CTNND2: variants seen among roughly 807,000 people sequenced by gnomAD.
CTNND2 encodes the protein catenin delta-2.
In CTNND2, 22 loss-of-function variants were observed where a neutral mutation model predicts 144.4. The observed-to-expected ratio is 0.15, with a 90% CI of 0.11 to 0.22. CTNND2 has a LOEUF of 0.22. Among genes scored for constraint, CTNND2 ranks in the 10% least tolerant of loss-of-function variants. The pLI is 1.00. For synonymous variants in CTNND2, 751 were observed against 695.6 expected, an observed-to-expected ratio of 1.08 and a Z score of -1.25; for missense variants, 1,353 against 1,618.8, an observed-to-expected ratio of 0.84 and a Z score of 2.82.
intron 14 of CTNND2, among the ~76,000 whole-genome samples, chr5:11,107,980 ACCCACAGAGTCCTTTGC>A (rs894866225): frequency 6.6e-6 from 1 of 152,156 alleles, no homozygotes; most frequent in African/African-American, 2.4e-5. Flanking sequence ...CCGAAATAAG[ACCCACAGAGTCCTTTGC>A]CCCAGAAAAT....
chr5:11,383,695 T>C (rs777344791), intron 7 of CTNND2, among the ~76,000 whole-genome samples: 1 of 152,242 alleles, frequency 6.6e-6, no homozygotes, highest in Non-Finnish European at 1.5e-5. Context: ...AGTCATCTAT[T>C]TGTGTCAAGA....
intron 15 of CTNND2, among the ~76,000 whole-genome samples, chr5:11,092,971 T>C (rs1429183394): frequency 6.6e-6 from 1 of 152,226 alleles, no homozygotes; most frequent in East Asian, 1.9e-4. Context: ...AAGTCTCTAA[T>C]TTCCCAGTTC....
At position 11,569,754 on chromosome 5, in the gene CTNND2, G is replaced by T. The variant is rs200984354; in HGVS notation, c.175-4698C>A. Reference sequence around the variant, plus strand: ...ATATTGAGGCTTCTTCATTTCTATGGTCTAAATGCCTGTGTCTCCATCCCC... The same window carrying T: ...ATATTGAGGCTTCTTCATTTCTATGTTCTAAATGCCTGTGTCTCCATCCCC... On this transcript the variant is annotated intron_variant, in intron 2 of 21. Transcript: ENST00000304623. Among the ~76,000 whole-genome samples the T allele has an allele frequency of 7.9e-5, 12 of 152,172 alleles. No homozygotes were observed. In the East Asian group the frequency reaches 1.9e-3, roughly 25 times the overall value.
At chr5:11,542,634 AATT>A (rs1461665865) in intron 3 of CTNND2, among the ~76,000 whole-genome samples, 3 of 152,222 alleles carry the variant, frequency 2.0e-5, no homozygotes, top group Non-Finnish European at 2.9e-5. Context: ...AATCCAGTCA[AATT>A]ATTATAATTA....
chr5:11,609,813 T>G (rs567409811), intron 2 of CTNND2, among the ~76,000 whole-genome samples: 1 of 152,172 alleles, frequency 6.6e-6, no homozygotes, highest in Non-Finnish European at 1.5e-5. Flanking sequence ...GGGAGCCTTC[T>G]GCATCTGCAG....
At chr5:11,884,268 T>C (rs1168476660) in intron 1 of CTNND2, among the ~76,000 whole-genome samples, 4 of 152,180 alleles carry the variant, frequency 2.6e-5, no homozygotes, top group Non-Finnish European at 5.9e-5. Context: ...ATCTCCTCAA[T>C]GGTATTGCCT....
intron 13 of CTNND2, among the ~76,000 whole-genome samples, chr5:11,112,962 G>T (rs1753155797): frequency 6.6e-6 from 1 of 152,134 alleles, no homozygotes; most frequent in Admixed American, 6.5e-5. Context: ...CTAACAAGGT[G>T]AAACCCCGTC....
At position 10,992,020 on chromosome 5, in the gene CTNND2, T is replaced by A. The variant is rs146898867; in HGVS notation, c.3211+531A>T. ...GAAATCTCGGCCTCCCGGGTTCAAG[T>A]GATTCTCCTGCCTCAGCCTCCCGAG... On this transcript the variant is annotated intron_variant, in intron 19 of 21. Coordinates refer to ENST00000304623, the MANE Select transcript of CTNND2 (RefSeq NM_001332.4). Among the ~76,000 whole-genome samples, 362 of 152,314 alleles carry A rather than the reference T, an allele frequency of 2.4e-3. 1 individual carries two copies. Among genetic ancestry groups the A allele is most frequent in the African/African-American group, 8.2e-3 (341 of 41,558 alleles).
chr5:10,997,322 G>A (rs1460495246), intron 18 of CTNND2, among the ~76,000 whole-genome samples: 3 of 152,040 alleles, frequency 2.0e-5, no homozygotes, highest in Non-Finnish European at 2.9e-5. Flanking sequence ...GGCCAGGAGC[G>A]GTGGCTCACG....
intron 15 of CTNND2, among the ~76,000 whole-genome samples, chr5:11,094,306 T>C (rs1751100246): frequency 6.6e-6 from 1 of 152,142 alleles, no homozygotes; most frequent in Admixed American, 6.5e-5. Flanking sequence ...GAGGGCCAAC[T>C]TTATGACTCG....
At chr5:11,369,249 T>A (rs1757245645) in intron 7 of CTNND2, among the ~76,000 whole-genome samples, 1 of 152,156 alleles carries the variant, frequency 6.6e-6, no homozygotes, top group Admixed American at 6.5e-5. Flanking sequence ...CACAAAAAGG[T>A]GACATCCTTT....
At chr5:11,602,283 G>A (rs1369551009) in intron 2 of CTNND2, among the ~76,000 whole-genome samples, 1 of 152,026 alleles carries the variant, frequency 6.6e-6, no homozygotes, top group Non-Finnish European at 1.5e-5. Flanking sequence ...ATCTATTAGA[G>A]TTTTACACCG....
chr5:11,723,084 T>TA (rs1257553262), intron 2 of CTNND2, among the ~76,000 whole-genome samples: 2 of 143,122 alleles, frequency 1.4e-5, no homozygotes, highest in Non-Finnish European at 1.5e-5. Context: ...AAACAGCAGT[T>TA]AAAAATCACT....
At chr5:11,281,488 A>T (rs1747109253) in intron 9 of CTNND2, among the ~76,000 whole-genome samples, 1 of 152,244 alleles carries the variant, frequency 6.6e-6, no homozygotes, top group Admixed American at 6.5e-5. Flanking sequence ...TTGAAAGAGT[A>T]TGCAAAATAA....
chr5:11,874,330 G>GA (rs1735389662), intron 1 of CTNND2, among the ~76,000 whole-genome samples: 1 of 152,248 alleles, frequency 6.6e-6, no homozygotes, highest in East Asian at 1.9e-4. Context: ...CAAAACCGCA[G>GA]AAAGTACCAA....
chr5:11,204,829 C>T (rs1007953331), intron 10 of CTNND2, among the ~76,000 whole-genome samples: 1 of 152,052 alleles, frequency 6.6e-6, no homozygotes, highest in Non-Finnish European at 1.5e-5. Context: ...AAAAAAAATA[C>T]TATGACAAGT....
intron 2 of CTNND2, among the ~76,000 whole-genome samples, chr5:11,576,810 C>T (rs990609861): frequency 2.6e-5 from 4 of 152,146 alleles, no homozygotes; most frequent in African/African-American, 9.7e-5. Flanking sequence ...TTTCAGAGTG[C>T]AGTAGCTCTT....
chr5:11,069,963 C>A lies in CTNND2; in HGVS notation c.2788+12733G>T, dbSNP rs952044757. 3.3e-5 allele frequency among the ~76,000 whole-genome samples: 5 copies of A among 152,290 alleles called. No individual in the cohort carries two copies. The South Asian group carries it at 8.3e-4, about 25-fold the overall frequency. ...TGCATTAGATTATCTCAGCCCTCTA[C>A]CTTAGCAACCCCGTAGATGAAATGA... On this transcript the variant is annotated intron_variant, in intron 16 of 21. Transcript: ENST00000304623.
intron 2 of CTNND2, among the ~76,000 whole-genome samples, chr5:11,731,348 T>C (rs183425151): frequency 2.9e-3 from 437 of 152,360 alleles, no homozygotes; most frequent in Admixed American, 6.1e-3. Context: ...TTTTAGGCTC[T>C]CGCTCTGCTG....
Sources: allele counts gnomAD v4.1 joint callset (sites outside exome capture counted in the v4.1 genomes callset), GRCh38; gene constraint gnomAD v4.1.1; transcripts MANE v1.5; gene names NCBI Gene and HGNC (gene_info 2026-07-23, HGNC 2026-07-21).